Variants in GALNT13 observed in about 807,000 individuals in gnomAD.
GALNT13 encodes the protein UDP-GalNAc:polypeptide N-acetylgalactosaminyltransferase 13.
A neutral mutation model predicts 64.2 loss-of-function variants in GALNT13; 28 were observed. The observed-to-expected ratio is 0.44, with a 90% CI of 0.32 to 0.60. The LOEUF (loss-of-function observed/expected upper bound fraction) is 0.60. Ranked by LOEUF, GALNT13 falls within the 20% of genes least tolerant of loss-of-function variation. The pLI is 0.05. For synonymous variants in GALNT13, 214 were observed against 224.6 expected (o/e 0.95, Z 0.42); for missense variants, 577 against 669.8 (o/e 0.86, Z 1.53).
chr2:153,969,879 T>C (rs2105122721), intron 3 of GALNT13, among the ~76,000 whole-genome samples: 1 of 152,284 alleles, frequency 6.6e-6, no homozygotes, highest in Middle Eastern at 3.4e-3. Context: ...CTACTTACTA[T>C]TTATTATTCA....
At chr2:154,360,746 T>C (rs1697022016) in intron 9 of GALNT13, among the ~76,000 whole-genome samples, 1 of 152,056 alleles carries the variant, frequency 6.6e-6, no homozygotes, top group African/African-American at 2.4e-5. Context: ...ACTAGAAATT[T>C]AAAGAAATAG....
At chr2:153,994,945 T>A (rs1695420183) in intron 3 of GALNT13, among the ~76,000 whole-genome samples, 1 of 152,058 alleles carries the variant, frequency 6.6e-6, no homozygotes, top group Admixed American at 6.6e-5. Flanking sequence ...ACTAAACTAT[T>A]TTAGAGTTGA....
chr2:153,505,180 G>A, the GALNT13 span, among the ~76,000 whole-genome samples: 1 of 152,070 alleles, frequency 6.6e-6, no homozygotes, highest in Non-Finnish European at 1.5e-5. Context: ...GATGTTTATA[G>A]TAGCCTTGAA....
the GALNT13 span, among the ~76,000 whole-genome samples, chr2:153,302,398 G>GT: frequency 6.6e-6 from 1 of 151,884 alleles, no homozygotes; most frequent in African/African-American, 2.4e-5. Flanking sequence ...TTAAATCAGG[G>GT]TTTTGTTTTT....
the GALNT13 span, among the ~76,000 whole-genome samples, chr2:153,110,441 G>C: frequency 7.9e-5 from 12 of 152,236 alleles, no homozygotes; most frequent in East Asian, 3.9e-4. Flanking sequence ...TGAAAACGCT[G>C]TTCTTTTAGT....
chr2:153,359,022 T>G, the GALNT13 span, among the ~76,000 whole-genome samples: 1 of 152,254 alleles, frequency 6.6e-6, no homozygotes, highest in East Asian at 1.9e-4. Flanking sequence ...CTAATTTCAC[T>G]GAAGATTGTT....
At chr2:154,069,086 G>A (rs542737959) in intron 3 of GALNT13, among the ~76,000 whole-genome samples, 18 of 151,952 alleles carry the variant, frequency 1.2e-4, no homozygotes, top group Admixed American at 2.6e-4. Context: ...ATGAAATTAC[G>A]TCTTTAGAGG....
the GALNT13 span, among the ~76,000 whole-genome samples, chr2:153,554,539 A>G: frequency 6.6e-6 from 1 of 152,198 alleles, no homozygotes; most frequent in Non-Finnish European, 1.5e-5. Flanking sequence ...TATATTTGAA[A>G]GAAATGCATC....
chr2:154,269,776 T>C (rs1436400493), intron 8 of GALNT13, among the ~76,000 whole-genome samples: 1 of 151,020 alleles, frequency 6.6e-6, no homozygotes, highest in African/African-American at 2.4e-5. Context: ...CTTTGAACCA[T>C]TGTTTAAACA....
chr2:154,148,682 G>A (rs1456901156), intron 4 of GALNT13, among the ~76,000 whole-genome samples: 4 of 152,126 alleles, frequency 2.6e-5, no homozygotes, highest in Non-Finnish European at 5.9e-5. Flanking sequence ...GCCAGTGATG[G>A]TGAGCATTTT....
At chr2:154,291,239 ATTGGTGCATTTAC>A (rs1320786918) in intron 8 of GALNT13, among the ~76,000 whole-genome samples, 1 of 152,098 alleles carries the variant, frequency 6.6e-6, no homozygotes, top group African/African-American at 2.4e-5. Flanking sequence ...CAGAGTGCTG[ATTGGTGCATTTAC>A]AATACTTTAG....
chr2:153,164,242 T>G, the GALNT13 span, among the ~76,000 whole-genome samples: 1 of 152,174 alleles, frequency 6.6e-6, no homozygotes, highest in African/African-American at 2.4e-5. Flanking sequence ...CCATCTCCCT[T>G]TTCCAGAGAT....
At chr2:154,222,012 A>G (rs1445623176) in intron 4 of GALNT13, among the ~76,000 whole-genome samples, 1 of 152,084 alleles carries the variant, frequency 6.6e-6, no homozygotes, top group Non-Finnish European at 1.5e-5. Context: ...TTATATTAGG[A>G]AAAACTTAAA....
intron 11 of GALNT13, among the ~76,000 whole-genome samples, chr2:154,435,353 T>A (rs1485776930): frequency 6.6e-6 from 1 of 152,168 alleles, no homozygotes; most frequent in East Asian, 1.9e-4. Context: ...ATATTTTAAC[T>A]CACATAGTCA....
chr2:154,232,545 A>G (rs1688971378), intron 4 of GALNT13, among the ~76,000 whole-genome samples: 1 of 152,116 alleles, frequency 6.6e-6, no homozygotes. Context: ...TTTATTTACC[A>G]TGTGGCTTAG....
At chr2:154,076,344 C>T (rs544937064) in intron 3 of GALNT13, among the ~76,000 whole-genome samples, 3 of 151,688 alleles carry the variant, frequency 2.0e-5, no homozygotes, top group Admixed American at 6.6e-5. Context: ...GATCAGAAAT[C>T]GCAGTCATGA....
chr2:153,271,900 T>C, the GALNT13 span, among the ~76,000 whole-genome samples: 158 of 152,318 alleles, frequency 1.0e-3, no homozygotes, highest in African/African-American at 3.8e-3. Context: ...AACAGAATGG[T>C]ACTGTTACCA....
Position 154,398,186 on chromosome 2 carries a change from A to G in GALNT13, c.1296+2056A>G, listed in dbSNP as rs188815551. 9.8e-5 allele frequency among the ~76,000 whole-genome samples: 15 copies of G among 152,304 alleles called. No individual in the cohort carries two copies. The East Asian group carries it at 2.9e-3, about 29-fold the overall frequency. On this transcript the variant is annotated intron_variant, in intron 10 of 12. Coordinates refer to ENST00000392825, the MANE Select transcript of GALNT13 (RefSeq NM_052917.4). The stretch of plus-strand genomic sequence containing the variant: ...AAAGGAGTTTTTCTGTTCTTCTTAT[A>G]AAATGTTTCTGTCACTGTTGTCAGT...
the GALNT13 span, among the ~76,000 whole-genome samples, chr2:153,720,423 C>T: frequency 3.0e-3 from 451 of 151,874 alleles, 4 homozygotes; most frequent in African/African-American, 0.011. Context: ...TCCAAAGGAA[C>T]GCAGTTCCTC....
Sources: allele counts gnomAD v4.1 joint callset (sites outside exome capture counted in the v4.1 genomes callset), GRCh38; gene constraint gnomAD v4.1.1; transcripts MANE v1.5; gene names NCBI Gene and HGNC (gene_info 2026-07-23, HGNC 2026-07-21).